The following KIF16B variants were observed in gnomAD, a reference collection of about 807,000 sequenced individuals.
KIF16B encodes kinesin family member 16B, also known as kinesin-like protein KIF16B.
Under a neutral mutation model 156.3 loss-of-function variants are expected in KIF16B, and 98 were observed. The observed-to-expected ratio is 0.63, with a 90% CI of 0.53 to 0.74. The LOEUF (loss-of-function observed/expected upper bound fraction) is 0.74, where lower values mean the gene tolerates loss of function less well. Among genes scored for constraint, KIF16B ranks in the 30% least tolerant of loss-of-function variants. The pLI, the probability that KIF16B is intolerant of heterozygous loss-of-function variation, is 0.00. For synonymous variants in KIF16B, 564 were observed against 583.7 expected, an observed-to-expected ratio of 0.97 and a Z score of 0.49; for missense variants, 1,421 against 1,606.5, an observed-to-expected ratio of 0.88 and a Z score of 1.97.
intron 12 of KIF16B, among the ~76,000 whole-genome samples, chr20:16,435,054 T>C (rs2066607675): frequency 6.6e-6 from 1 of 152,266 alleles, no homozygotes; most frequent in Non-Finnish European, 1.5e-5. Flanking sequence ...TATGTGATTT[T>C]ATTTAAATTT....
intron 24 of KIF16B, among the ~76,000 whole-genome samples, chr20:16,318,028 A>C (rs1291357972): frequency 6.6e-6 from 1 of 152,198 alleles, no homozygotes; most frequent in Non-Finnish European, 1.5e-5. Context: ...AAAGTGAAGG[A>C]AAAAATTGGT....
chr20:16,558,047 G>A (rs1197195132), intron 1 of KIF16B, among the ~76,000 whole-genome samples: 1 of 152,150 alleles, frequency 6.6e-6, no homozygotes, highest in Non-Finnish European at 1.5e-5. Flanking sequence ...ACCAGCAATA[G>A]GGGGCACTAT....
At chr20:16,389,297 AT>A in intron 17 of KIF16B, among the ~76,000 whole-genome samples, 1 of 152,270 alleles carries the variant, frequency 6.6e-6, no homozygotes, top group South Asian at 2.1e-4. Flanking sequence ...GAAATTCTTA[AT>A]GATATTAGAA....
chr20:16,458,340 T>G (rs576269929), intron 12 of KIF16B, among the ~76,000 whole-genome samples: 1 of 152,352 alleles, frequency 6.6e-6, no homozygotes, highest in South Asian at 2.1e-4. Flanking sequence ...TCCTCTTGAT[T>G]ACTTGCCTTT....
intron 1 of KIF16B, among the ~76,000 whole-genome samples, chr20:16,532,969 G>A (rs2069815030): frequency 6.6e-6 from 1 of 152,154 alleles, no homozygotes; most frequent in African/African-American, 2.4e-5. Flanking sequence ...CTAACCTGCA[G>A]GTAACCAGGG....
chr20:16,544,557 A>G (rs951801467), intron 1 of KIF16B, among the ~76,000 whole-genome samples: 1 of 148,980 alleles, frequency 6.7e-6, no homozygotes, highest in Non-Finnish European at 1.5e-5. Context: ...CAGTGAGCCA[A>G]GATCACACCA....
At chr20:16,306,753 T>C (rs1311577972) in intron 25 of KIF16B, among the ~76,000 whole-genome samples, 1 of 152,164 alleles carries the variant, frequency 6.6e-6, no homozygotes, top group East Asian at 1.9e-4. Context: ...GTCATCATTA[T>C]CACCATCACC....
At chr20:16,495,482 C>T (rs1429383241) in intron 11 of KIF16B, among the ~76,000 whole-genome samples, 1 of 152,204 alleles carries the variant, frequency 6.6e-6, no homozygotes, top group African/African-American at 2.4e-5. Context: ...AAATATATCT[C>T]ATTCACCTAT....
Position 16,504,533 on chromosome 20 carries a change from C to CA in KIF16B, c.1014dup (p.Asp339Ter), listed in dbSNP as rs746651531. The CA allele has an allele frequency of 6.2e-7, 1 of 1,613,656 alleles. No homozygotes were observed. ...CTTAGGGTTTCTCCATAATTGACAT[C>CA]AGCAGGTGAAATGGCTGTGAAGAAT... On this transcript the variant is annotated frameshift_variant, in exon 10 of 26. Transcript: ENST00000354981. LOFTEE classifies it high-confidence loss of function.
chr20:16,570,665 T>C (rs890532827), intron 1 of KIF16B, among the ~76,000 whole-genome samples: 3 of 152,216 alleles, frequency 2.0e-5, no homozygotes, highest in African/African-American at 7.2e-5. Flanking sequence ...GGGAAGGTTA[T>C]CAACTAGCCT....
chr20:16,294,798 G>A (rs1454704036), intron 25 of KIF16B, among the ~76,000 whole-genome samples: 2 of 152,162 alleles, frequency 1.3e-5, no homozygotes, highest in African/African-American at 2.4e-5. Flanking sequence ...CTGTTGGTGA[G>A]TAAGGGGGAC....
At chr20:16,278,135 G>T (rs555872697) in intron 25 of KIF16B, among the ~76,000 whole-genome samples, 2 of 152,298 alleles carry the variant, frequency 1.3e-5, no homozygotes, top group African/African-American at 4.8e-5. Flanking sequence ...CTAGGAGAGG[G>T]TCTGTCTGAC....
Position 16,345,804 on chromosome 20 carries a change from T to C in KIF16B, c.3622-9789A>G, listed in dbSNP as rs80163326. On this transcript the variant is annotated intron_variant, in intron 23 of 25. Coordinates refer to ENST00000354981, the MANE Select transcript of KIF16B (RefSeq NM_024704.5). ...TGGCAGCACTTGGAGCTCCCAGGAA[T>C]AGCTAGGCAGGAGGAACGGAAAGGC... 4.0e-3 allele frequency among the ~76,000 whole-genome samples: 610 copies of C among 152,274 alleles called. 5 individuals are homozygous for C. The highest frequency in any genetic ancestry group is 0.014 in the African/African-American group (569 of 41,552).
chr20:16,479,771 T>A (rs1328399352), intron 12 of KIF16B, among the ~76,000 whole-genome samples: 1 of 152,196 alleles, frequency 6.6e-6, no homozygotes, highest in Non-Finnish European at 1.5e-5. Context: ...CCATACCATA[T>A]AGCCTAGGTG....
intron 25 of KIF16B, among the ~76,000 whole-genome samples, chr20:16,305,435 T>C (rs1330064645): frequency 6.6e-6 from 1 of 152,206 alleles, no homozygotes; most frequent in African/African-American, 2.4e-5. Flanking sequence ...TAGTTGTACA[T>C]ATTTTGGGGC....
At chr20:16,385,600 G>A (rs992461507) in intron 17 of KIF16B, among the ~76,000 whole-genome samples, 4 of 152,170 alleles carry the variant, frequency 2.6e-5, no homozygotes, top group Non-Finnish European at 5.9e-5. Flanking sequence ...AGTGAGACAC[G>A]ACAAGTAAGA....
At chr20:16,350,188 T>C (rs1262098327) in intron 23 of KIF16B, among the ~76,000 whole-genome samples, 1 of 152,204 alleles carries the variant, frequency 6.6e-6, no homozygotes. Flanking sequence ...ACCTAAGTTG[T>C]CTGTGTGTAG....
intron 1 of KIF16B, among the ~76,000 whole-genome samples, chr20:16,554,608 C>T (rs2070780769): frequency 6.6e-6 from 1 of 152,282 alleles, no homozygotes; most frequent in South Asian, 2.1e-4. Context: ...GGGGCTAAAA[C>T]AGCTGTAGCA....
intron 1 of KIF16B, among the ~76,000 whole-genome samples, chr20:16,539,391 C>G (rs547459793): frequency 7.9e-5 from 12 of 152,294 alleles, no homozygotes; most frequent in African/African-American, 2.9e-4. Context: ...AAAGGTCATC[C>G]TTGTTATGCC....
Sources: allele counts gnomAD v4.1 joint callset (sites outside exome capture counted in the v4.1 genomes callset), GRCh38; gene constraint gnomAD v4.1.1; transcripts MANE v1.5; gene names NCBI Gene and HGNC (gene_info 2026-07-23, HGNC 2026-07-21).